Variants in UNC13C observed in about 807,000 individuals in gnomAD.
UNC13C encodes protein unc-13 homolog C.
In UNC13C, 174 loss-of-function variants were observed where a neutral mutation model predicts 245.4. That is an observed-to-expected ratio of 0.71 (90% CI 0.63 to 0.80). UNC13C has a LOEUF of 0.80. Ranked by LOEUF, UNC13C falls within the 30% of genes least tolerant of loss-of-function variation. The pLI, the probability that UNC13C is intolerant of heterozygous loss-of-function variation, is 0.00. For missense variants in UNC13C, 2,829 were observed against 2,602.9 expected (o/e 1.09, Z -1.89); for synonymous variants, 992 against 895.1 (o/e 1.11, Z -1.93).
chr15:53,915,002 G>C, the UNC13C span, among the ~76,000 whole-genome samples: 2 of 152,148 alleles, frequency 1.3e-5, no homozygotes, highest in South Asian at 2.1e-4. Context: ...AAGGGTGCCG[G>C]GGAATGTCAT....
chr15:53,908,759 A>AAG, the UNC13C span, among the ~76,000 whole-genome samples: 1 of 142,242 alleles, frequency 7.0e-6, no homozygotes, highest in African/African-American at 2.6e-5. Flanking sequence ...CTCCAAAAAA[A>AAG]AAAAAAAAAA....
the UNC13C span, among the ~76,000 whole-genome samples, chr15:53,971,283 T>G: frequency 5.9e-5 from 9 of 152,178 alleles, no homozygotes; most frequent in African/African-American, 9.7e-5. Context: ...CGTTACACCA[T>G]GTACAAAAAT....
intron 22 of UNC13C, among the ~76,000 whole-genome samples, chr15:54,502,874 A>ATGC (rs1425110328): frequency 6.6e-6 from 1 of 152,112 alleles, no homozygotes; most frequent in African/African-American, 2.4e-5. Context: ...AGTAGAAAGA[A>ATGC]TGCTGAATTG....
intron 4 of UNC13C, among the ~76,000 whole-genome samples, chr15:54,161,581 GTTGTTC>G (rs1206339426): frequency 2.6e-5 from 4 of 152,186 alleles, no homozygotes; most frequent in East Asian, 1.9e-4. Context: ...TAAGTTCAGA[GTTGTTC>G]TTGTTTTGGT....
intron 17 of UNC13C, among the ~76,000 whole-genome samples, chr15:54,381,932 C>T (rs1450108707): frequency 6.6e-6 from 1 of 152,122 alleles, no homozygotes; most frequent in Non-Finnish European, 1.5e-5. Flanking sequence ...AGCATTTTAT[C>T]CAACAACTAC....
intron 19 of UNC13C, among the ~76,000 whole-genome samples, chr15:54,441,228 G>A (rs1201094722): frequency 6.6e-6 from 1 of 151,864 alleles, no homozygotes; most frequent in East Asian, 1.9e-4. Flanking sequence ...TATTAGCCCT[G>A]AAATCCTAGC....
chr15:54,407,946 A>G (rs958057195), intron 18 of UNC13C, among the ~76,000 whole-genome samples: 11 of 152,176 alleles, frequency 7.2e-5, no homozygotes, highest in Admixed American at 2.6e-4. Context: ...TCACACCTGT[A>G]ATCCCAGCAT....
chr15:53,842,535 C>A, the UNC13C span, among the ~76,000 whole-genome samples: 1 of 152,140 alleles, frequency 6.6e-6, no homozygotes, highest in Admixed American at 6.6e-5. Flanking sequence ...TTAATTCAAG[C>A]CGGGCCACTG....
intron 13 of UNC13C, among the ~76,000 whole-genome samples, chr15:54,307,273 G>T (rs187596022): frequency 3.9e-5 from 6 of 151,978 alleles, no homozygotes; most frequent in Admixed American, 3.9e-4. Context: ...GCCATTTCCT[G>T]GTTCATTTAT....
chr15:54,434,137 C>T (rs1259519500), intron 19 of UNC13C, among the ~76,000 whole-genome samples: 7 of 152,002 alleles, frequency 4.6e-5, no homozygotes, highest in African/African-American at 1.4e-4. Context: ...GAATCAATAT[C>T]GTGAAAATGG....
chr15:54,155,885 C>T (rs1357962844), intron 4 of UNC13C, among the ~76,000 whole-genome samples: 1 of 152,082 alleles, frequency 6.6e-6, no homozygotes, highest in East Asian at 1.9e-4. Flanking sequence ...ACATGAGTTG[C>T]ATCATAGGCA....
chr15:54,191,044 A>C (rs1252734221), intron 4 of UNC13C, among the ~76,000 whole-genome samples: 1 of 152,086 alleles, frequency 6.6e-6, no homozygotes, highest in Non-Finnish European at 1.5e-5. Flanking sequence ...TTAGTTCCTT[A>C]ACTTTTTAAG....
intron 30 of UNC13C, among the ~76,000 whole-genome samples, chr15:54,615,789 G>C (rs976501736): frequency 6.6e-6 from 1 of 152,110 alleles, no homozygotes; most frequent in Non-Finnish European, 1.5e-5. Context: ...TACTGCCCAA[G>C]TTCTTCTCTT....
chr15:54,466,339 A>C (rs1892165401), intron 19 of UNC13C, among the ~76,000 whole-genome samples: 1 of 152,034 alleles, frequency 6.6e-6, no homozygotes. Flanking sequence ...GAATTTCAGA[A>C]CACAAAAGAA....
intron 17 of UNC13C, among the ~76,000 whole-genome samples, chr15:54,377,432 G>C (rs1402807499): frequency 6.6e-6 from 1 of 152,184 alleles, no homozygotes; most frequent in Non-Finnish European, 1.5e-5. Flanking sequence ...GAACAGATTA[G>C]GTGAACAGCT....
intron 14 of UNC13C, among the ~76,000 whole-genome samples, chr15:54,327,098 T>C (rs925327865): frequency 6.6e-6 from 1 of 152,022 alleles, no homozygotes; most frequent in Non-Finnish European, 1.5e-5. Flanking sequence ...AGTTGAAAAG[T>C]AACAAAATTC....
chr15:54,158,199 A>G (rs1171652200), intron 4 of UNC13C, among the ~76,000 whole-genome samples: 1 of 152,230 alleles, frequency 6.6e-6, no homozygotes, highest in East Asian at 1.9e-4. Flanking sequence ...TTTGTTGCCT[A>G]TTTGAGCAAA....
chr15:54,289,838 C>G (rs760131751), intron 10 of UNC13C, among the ~76,000 whole-genome samples: 22 of 152,018 alleles, frequency 1.4e-4, no homozygotes, highest in Non-Finnish European at 2.9e-4. Flanking sequence ...GATATGGGCA[C>G]TGTACACTGT....
At chr15:54,174,882 G>A (rs761661167) in intron 4 of UNC13C, among the ~76,000 whole-genome samples, 3 of 152,172 alleles carry the variant, frequency 2.0e-5, no homozygotes, top group Admixed American at 6.5e-5. Flanking sequence ...TAAGATGCCA[G>A]TTATCCAAAG....
Sources: allele counts gnomAD v4.1 joint callset (sites outside exome capture counted in the v4.1 genomes callset), GRCh38; gene constraint gnomAD v4.1.1; transcripts MANE v1.5; gene names NCBI Gene and HGNC (gene_info 2026-07-23, HGNC 2026-07-21).